The following ASPSCR1 variants were observed in gnomAD, a reference collection of about 807,000 sequenced individuals.
The protein encoded by ASPSCR1 is ASPSCR1 tether for SLC2A4, UBX domain containing.
ASPSCR1 carries 55 observed loss-of-function variants against 68.9 expected under a neutral mutation model. The ratio of observed to expected loss-of-function variants is 0.80; its 90% confidence interval spans 0.64 to 1.00. ASPSCR1 has a LOEUF of 1.00. Ranked by LOEUF, ASPSCR1 falls within the 50% of genes least tolerant of loss-of-function variation. The pLI, the probability that ASPSCR1 is intolerant of heterozygous loss-of-function variation, is 0.00. For synonymous variants in ASPSCR1, 352 were observed against 332.6 expected (o/e 1.06, Z -0.63); for missense variants, 765 against 762.2 (o/e 1.00, Z -0.04).
chr17:82,011,553 G>A lies in ASPSCR1; in HGVS notation c.1248G>A (p.Leu416=). 3.2e-6 allele frequency: 5 copies of A among 1,580,468 alleles called. No homozygotes were observed. The highest frequency in any genetic ancestry group is 3.4e-6 in the Non-Finnish European group (4 of 1,169,814). Residue 416 remains leucine (L), a synonymous_variant, in exon 11 of 16, where the codon TTG becomes TTA. Transcript: ENST00000306739. ...FFRPSETVGD[L]RDFVRSHLGN... ...TTTTCTCCTCTGCAGTGGGGGACTT[G>A]CGAGACTTCGTGAGGAGCCACCTGG...
Position 82,009,200 on chromosome 17 carries a change from C to A in ASPSCR1, c.1088+9C>A. ...CAGCTCAAGAGTGAGCGGTGGGTGC[C>A]CCCTCAGTGCCTCCCGGCATCTTCG... On this transcript the variant is annotated intron_variant, in intron 8 of 15. Coordinates refer to ENST00000306739, the MANE Select transcript of ASPSCR1 (RefSeq NM_024083.4). The A allele has an allele frequency of 6.3e-7, 1 of 1,594,678 alleles. No homozygotes were observed. The highest frequency in any genetic ancestry group is 8.6e-7 in the Non-Finnish European group (1 of 1,168,650).
rs796632381 is a variant in ASPSCR1 at position 81,983,480 on chromosome 17, G to GGGATGGCGGGGCGTGGATGGCGGGGCGT, written c.159-53_159-52insGGGGCGTGGATGGCGGGGCGTGGATGGC. ...ATGGCGGGGCGTGGATGGTGGGACG[G>GGGATGGCGGGGCGTGGATGGCGGGGCGT]GGATGGCGGGGCGTGGATGGCAGGG... On this transcript the variant is annotated intron_variant, in intron 2 of 15. Coordinates refer to ENST00000306739, the MANE Select transcript of ASPSCR1 (RefSeq NM_024083.4). This position sits in a 1 kb window ranked among gnomAD's most constrained non-coding sequence, Gnocchi z 4.4. 1.0e-4 allele frequency: 123 copies of GGGATGGCGGGGCGTGGATGGCGGGGCGT among 1,211,634 alleles called. No homozygotes were observed. The South Asian group carries it at 1.6e-3, about 16-fold the overall frequency. The allele number at this position is 1,211,634 out of a possible 1,614,324, so 75.1% of individuals were successfully genotyped here.
In ASPSCR1 at chr17:81,977,640, G is replaced by A; in HGVS notation, c.-7G>A. 1 of 1,391,754 alleles carries A rather than the reference G, an allele frequency of 7.2e-7. No homozygotes were observed. The highest frequency in any genetic ancestry group is 9.3e-7 in the Non-Finnish European group (1 of 1,070,056). The allele number at this position is 1,391,754 out of a possible 1,614,324, so 86.2% of individuals were successfully genotyped here. A position where few individuals can be genotyped will look rare whatever the true frequency, so the allele number is the denominator to read the frequency against. Reference sequence around the variant, plus strand: ...GCCGGCCCGGCGGCGGGTCACGTGAGCGGAAAATGGCGGCCCCGGCAGGCG... The same window carrying A: ...GCCGGCCCGGCGGCGGGTCACGTGAACGGAAAATGGCGGCCCCGGCAGGCG... On this transcript the variant is annotated 5_prime_UTR_variant, in exon 1 of 16. Coordinates refer to ENST00000306739, the MANE Select transcript of ASPSCR1 (RefSeq NM_024083.4). The surrounding 1 kb of genome is among the most constrained non-coding windows in gnomAD (Gnocchi z 5.0).
rs138575918 is a variant in ASPSCR1 at position 81,987,268 on chromosome 17, A to C, written c.374+1661A>C. Among the ~76,000 whole-genome samples the C allele has an allele frequency of 1.6e-3, 245 of 152,244 alleles. 5 individuals are homozygous for C. The East Asian group carries it at 0.041, about 26-fold the overall frequency. On this transcript the variant is annotated intron_variant, in intron 4 of 15. Transcript: ENST00000306739. The surrounding 1 kb of genome is among the most constrained non-coding windows in gnomAD (Gnocchi z 5.6). ...ACCCGAGCCAGGAGTGGCGCCGGGC[A>C]GGGAGGCAGGCAGCCCCAGGCGCTG... is the stretch of plus-strand genomic sequence containing the variant.
At chr17:82,008,851 G>A (rs951111505) in intron 7 of ASPSCR1, 186 bp from the exon 8 acceptor site, 2 of 750,124 alleles carry the variant, frequency 2.7e-6, no homozygotes, top group Admixed American at 3.6e-5. Flanking sequence ...GTGGGGTGGG[G>A]TCCCCCAGCT....
At chr17:81,991,582 T>C (rs1174554915) in intron 4 of ASPSCR1, among the ~76,000 whole-genome samples, 2 of 152,090 alleles carry the variant, frequency 1.3e-5, no homozygotes, top group African/African-American at 2.4e-5. Flanking sequence ...TTCATCCCTG[T>C]CCGTCCTTGT....
chr17:81,981,779 G>T (rs1451205267), intron 2 of ASPSCR1, among the ~76,000 whole-genome samples: 1 of 150,628 alleles, frequency 6.6e-6, no homozygotes, highest in Non-Finnish European at 1.5e-5. Flanking sequence ...AGCGATTATT[G>T]TGCCTCAGCG....
intron 5 of ASPSCR1, 70 bp from the exon 6 acceptor site, chr17:81,995,922 G>T: frequency 2.0e-6 from 3 of 1,501,214 alleles, no homozygotes; most frequent in Non-Finnish European, 2.7e-6. Flanking sequence ...TGGTGCCGGT[G>T]CCCGGAGGGC....
chr17:81,995,856 G>A, intron 5 of ASPSCR1, 136 bp from the exon 6 acceptor site: 1 of 823,882 alleles, frequency 1.2e-6, no homozygotes, highest in Non-Finnish European at 2.0e-6. Context: ...GCAGGGGCCA[G>A]ATGTGGGGGG....
At chr17:81,982,036 T>C (rs1250191845) in intron 2 of ASPSCR1, among the ~76,000 whole-genome samples, 1 of 152,116 alleles carries the variant, frequency 6.6e-6, no homozygotes, top group Admixed American at 6.6e-5. Flanking sequence ...TGGCGCGATC[T>C]TGGCACACTG....
At chr17:81,995,752 A>T (rs1047925373) in intron 5 of ASPSCR1, among the ~76,000 whole-genome samples, 2 of 152,140 alleles carry the variant, frequency 1.3e-5, no homozygotes, top group African/African-American at 4.8e-5. Flanking sequence ...AGCTGCGGAG[A>T]CCAGGCTGGG....
Position 82,017,389 on chromosome 17 carries a change from G to T in ASPSCR1, c.*67G>T. 1 of 1,608,248 alleles carries T rather than the reference G, an allele frequency of 6.2e-7. No individual in the cohort carries two copies. The highest frequency in any genetic ancestry group is 8.5e-7 in the Non-Finnish European group (1 of 1,177,178). On this transcript the variant is annotated 3_prime_UTR_variant, in exon 16 of 16. Coordinates refer to ENST00000306739, the MANE Select transcript of ASPSCR1 (RefSeq NM_024083.4). ...CACCTCCTCTGCCAGCAGGAATAAA[G>T]ACTTGTGCATCCCTCAACGCCTTCC...
chr17:81,990,133 T>C lies in ASPSCR1; in HGVS notation c.374+4526T>C, dbSNP rs1052798210. Among the ~76,000 whole-genome samples, 2 of 152,214 alleles carry C rather than the reference T, an allele frequency of 1.3e-5. No homozygotes were observed. The highest frequency in any genetic ancestry group is 4.8e-5 in the African/African-American group (2 of 41,450). ...AAGAAATAAAAACAGGTGTCATTAA[T>C]TTTAGTAATACGTGTAGTTAACTCA... On this transcript the variant is annotated intron_variant, in intron 4 of 15. Transcript: ENST00000306739. The surrounding 1 kb of genome is among the most constrained non-coding windows in gnomAD (Gnocchi z 4.1).
chr17:82,009,289 C>T (rs539383731), intron 8 of ASPSCR1, 98 bp downstream of exon 8: 23 of 1,454,644 alleles, frequency 1.6e-5, no homozygotes, highest in Non-Finnish European at 1.7e-5. Context: ...CACTGGCTCC[C>T]GGCCCAGGTC....
rs767477848 is a variant in ASPSCR1 at position 81,977,767 on chromosome 17, G to A, written c.102+19G>A. ...GCTTCAGGTGCGGCCGCCCGCCCGGGGCGGACGGGTAGGCGGGCGGGGGGC... is the reference window on the plus strand; with the variant it reads ...GCTTCAGGTGCGGCCGCCCGCCCGGAGCGGACGGGTAGGCGGGCGGGGGGC... On this transcript the variant is annotated intron_variant, in intron 1 of 15. Coordinates refer to ENST00000306739, the MANE Select transcript of ASPSCR1 (RefSeq NM_024083.4). This position sits in a 1 kb window ranked among gnomAD's most constrained non-coding sequence, Gnocchi z 5.0. 4 of 1,217,562 alleles carry A rather than the reference G, an allele frequency of 3.3e-6. No homozygotes were observed. Among genetic ancestry groups the A allele is most frequent in the Admixed American group, 8.7e-5 (2 of 23,006 alleles). 75.4% of individuals were successfully genotyped at this position (1,217,562 alleles called of 1,614,324 possible). A position where few individuals can be genotyped will look rare whatever the true frequency, so the allele number is the denominator to read the frequency against.
chr17:81,999,626 CAAAAAA>C lies in ASPSCR1; in HGVS notation c.933+2793_933+2798del, dbSNP rs869273858. On this transcript the variant is annotated intron_variant, in intron 7 of 15. Transcript: ENST00000306739. The surrounding 1 kb of genome is among the most constrained non-coding windows in gnomAD (Gnocchi z 4.4). The stretch of plus-strand genomic sequence containing the variant: ...CGGGTGACAGAGTGAAACTCCATCT[CAAAAAA>C]AAAAAAAAAAAAGAAAACAAGAAGT... Among the ~76,000 whole-genome samples the C allele has an allele frequency of 1.4e-5, 1 of 72,008 alleles. No individual in the cohort carries two copies. The highest frequency in any genetic ancestry group is 1.6e-4 in the Admixed American group (1 of 6,448). 47.2% of individuals were successfully genotyped at this position (72,008 alleles called of 152,430 possible).
At chr17:82,015,053 G>A in intron 12 of ASPSCR1, 1 of 1,588,732 alleles carries the variant, frequency 6.3e-7, no homozygotes, top group Non-Finnish European at 8.5e-7. Context: ...GGGGGACGGT[G>A]TGACCCACTT....
chr17:82,000,013 C>T (rs972569701), intron 7 of ASPSCR1, among the ~76,000 whole-genome samples: 1 of 152,214 alleles, frequency 6.6e-6, no homozygotes, highest in Non-Finnish European at 1.5e-5. Context: ...GCACCCCATC[C>T]TCCCTCTGGG....
At chr17:82,008,765 TG>T (rs1255851384) in intron 7 of ASPSCR1, 2 of 389,730 alleles carry the variant, frequency 5.1e-6, no homozygotes, top group East Asian at 4.0e-5. Flanking sequence ...TGTGCCCTGC[TG>T]GGGAGCAGGG....
Sources: allele counts gnomAD v4.1 joint callset (sites outside exome capture counted in the v4.1 genomes callset), GRCh38; gene constraint gnomAD v4.1.1; non-coding constraint Gnocchi (gnomAD v3.1); transcripts MANE v1.5; gene names NCBI Gene and HGNC (gene_info 2026-07-23, HGNC 2026-07-21).